The following LINGO2 variants were observed in gnomAD, a reference collection of about 807,000 sequenced individuals.
LINGO2 encodes leucine-rich repeat and immunoglobulin-like domain-containing nogo receptor-interacting protein 2.
LINGO2 carries 14 observed loss-of-function variants against 30.6 expected under a neutral mutation model. The ratio of observed to expected loss-of-function variants is 0.46; its 90% CI spans 0.30 to 0.72. The LOEUF (loss-of-function observed/expected upper bound fraction) is 0.72, where lower values mean the gene tolerates loss of function less well. Ranked by LOEUF, LINGO2 falls within the 30% of genes least tolerant of loss-of-function variation. The probability of loss-of-function intolerance (pLI) is 0.07; values close to 1 mark genes in which losing one functional copy is unlikely to be tolerated. For missense variants in LINGO2, 729 were observed against 751.7 expected (o/e 0.97, Z 0.35); for synonymous variants, 317 against 288.5 (o/e 1.10, Z -1.00).
chr9:28,701,664 T>C, the LINGO2 span, among the ~76,000 whole-genome samples: 2 of 151,946 alleles, frequency 1.3e-5, no homozygotes, highest in East Asian at 3.9e-4. Context: ...ATCAATTTTT[T>C]AATATCAACA....
chr9:28,863,290 G>C, the LINGO2 span, among the ~76,000 whole-genome samples: 1 of 152,164 alleles, frequency 6.6e-6, no homozygotes, highest in African/African-American at 2.4e-5. Flanking sequence ...AAAATGGTAT[G>C]CTTAGGATTT....
intron 4 of LINGO2, among the ~76,000 whole-genome samples, chr9:28,097,533 T>C (rs1826280467): frequency 6.9e-6 from 1 of 143,978 alleles, no homozygotes; most frequent in Admixed American, 7.0e-5. Flanking sequence ...ATATCCTTTG[T>C]AGGGACATGG....
chr9:28,914,611 G>A, the LINGO2 span, among the ~76,000 whole-genome samples: 7 of 151,938 alleles, frequency 4.6e-5, no homozygotes, highest in Non-Finnish European at 8.8e-5. Context: ...ACCAAACACA[G>A]ATTGAAAATT....
At chr9:28,804,592 A>G in the LINGO2 span, among the ~76,000 whole-genome samples, 4 of 152,212 alleles carry the variant, frequency 2.6e-5, no homozygotes, top group African/African-American at 7.2e-5. Context: ...GGAATAGGAC[A>G]ATATGATTTA....
At chr9:28,717,338 A>C in the LINGO2 span, among the ~76,000 whole-genome samples, 1 of 145,090 alleles carries the variant, frequency 6.9e-6, no homozygotes, top group Non-Finnish European at 1.5e-5. Context: ...AAGAGACCCT[A>C]ATCTAAAAAA....
the LINGO2 span, among the ~76,000 whole-genome samples, chr9:28,811,353 T>C: frequency 1.3e-5 from 2 of 152,154 alleles, no homozygotes; most frequent in Admixed American, 1.3e-4. Flanking sequence ...ATTCCCAGAA[T>C]CCATTTTGGT....
At chr9:28,948,933 A>G in the LINGO2 span, among the ~76,000 whole-genome samples, 1 of 151,912 alleles carries the variant, frequency 6.6e-6, no homozygotes, top group Non-Finnish European at 1.5e-5. Context: ...AAAGTTAGAT[A>G]TGCAAAAGAG....
chr9:28,168,093 A>C (rs1828482340), intron 4 of LINGO2, among the ~76,000 whole-genome samples: 1 of 152,178 alleles, frequency 6.6e-6, no homozygotes, highest in Non-Finnish European at 1.5e-5. Context: ...TACTTCTGGG[A>C]GGAAACTCCC....
chr9:28,031,199 T>A (rs1042511225), intron 4 of LINGO2, among the ~76,000 whole-genome samples: 1 of 152,118 alleles, frequency 6.6e-6, no homozygotes, highest in Non-Finnish European at 1.5e-5. Flanking sequence ...ATATAAAGGA[T>A]GTGATTTCTC....
At chr9:29,144,347 T>C in the LINGO2 span, among the ~76,000 whole-genome samples, 2 of 152,152 alleles carry the variant, frequency 1.3e-5, no homozygotes, top group South Asian at 2.1e-4. Context: ...TAAATTGCTT[T>C]GGGCAGGATG....
At chr9:28,125,324 T>C (rs1202007167) in intron 4 of LINGO2, among the ~76,000 whole-genome samples, 2 of 152,248 alleles carry the variant, frequency 1.3e-5, no homozygotes, top group Non-Finnish European at 2.9e-5. Context: ...AGATCACTGT[T>C]GATCTAAGTA....
rs147470631 is a variant in LINGO2, at chr9:28,053,559, C to T, written c.-86-41154G>A. 3.9e-3 allele frequency among the ~76,000 whole-genome samples: 593 copies of T among 152,128 alleles called. 5 individuals are homozygous for T. Among genetic ancestry groups the T allele is most frequent in the African/African-American group, 0.013 (560 of 41,526 alleles). ...TCTTTCCCGGGATATCAGCTTGCTA[C>T]AGATCAGATAAGGTTTACAATCAAA... On this transcript the variant is annotated intron_variant, in intron 4 of 5. Coordinates refer to ENST00000379992, the Ensembl canonical transcript of LINGO2.
At chr9:28,402,686 A>G (rs1353695038) in intron 2 of LINGO2, among the ~76,000 whole-genome samples, 1 of 151,824 alleles carries the variant, frequency 6.6e-6, no homozygotes, top group Non-Finnish European at 1.5e-5. Flanking sequence ...AATTAACTCT[A>G]CAAAGGTCCT....
intron 3 of LINGO2, among the ~76,000 whole-genome samples, chr9:28,308,905 T>C (rs1428506829): frequency 6.6e-6 from 1 of 152,180 alleles, no homozygotes; most frequent in East Asian, 1.9e-4. Flanking sequence ...CCAGTTAGAA[T>C]GGCATTCATT....
intron 4 of LINGO2, among the ~76,000 whole-genome samples, chr9:28,216,763 A>G (rs941476466): frequency 9.9e-5 from 15 of 151,938 alleles, no homozygotes; most frequent in Admixed American, 5.3e-4. Context: ...CTCATTTATG[A>G]TCATTATTGA....
chr9:28,333,040 C>A (rs188378466), intron 3 of LINGO2, among the ~76,000 whole-genome samples: 1 of 152,218 alleles, frequency 6.6e-6, no homozygotes, highest in East Asian at 1.9e-4. Flanking sequence ...TTAATTTCTG[C>A]AGTTTTACGG....
chr9:29,076,581 C>CAT, the LINGO2 span, among the ~76,000 whole-genome samples: 26 of 146,148 alleles, frequency 1.8e-4, no homozygotes, highest in South Asian at 8.6e-4. Context: ...AAGCATATTA[C>CAT]ATATATATAT....
the LINGO2 span, among the ~76,000 whole-genome samples, chr9:28,813,176 A>G: frequency 2.1e-4 from 32 of 152,142 alleles, no homozygotes; most frequent in African/African-American, 6.3e-4. Flanking sequence ...ATTGATGTCA[A>G]GTGAGAAGAA....
chr9:28,994,681 A>G, the LINGO2 span, among the ~76,000 whole-genome samples: 2 of 151,844 alleles, frequency 1.3e-5, no homozygotes, highest in East Asian at 1.9e-4. Flanking sequence ...ATATAGATCA[A>G]TGCAACAGAA....
Sources: gnomAD v4.1 joint callset for allele counts (sites outside exome capture counted in the v4.1 genomes callset) on GRCh38, gnomAD v4.1.1 for gene constraint, MANE v1.5 for transcripts, NCBI Gene and HGNC (gene_info 2026-07-23, HGNC 2026-07-21) for gene names.